MALRD1: variants seen among roughly 807,000 people sequenced by gnomAD.
MALRD1 encodes MAM and LDL receptor class A domain containing 1, also known as MAM and LDL-receptor class A domain-containing protein 1.
Under a neutral mutation model 242.1 loss-of-function variants are expected in MALRD1, and 247 were observed. The observed-to-expected ratio is 1.02, with a 90% confidence interval of 0.92 to 1.13. MALRD1 has a LOEUF of 1.13. Ranked by LOEUF, MALRD1 falls within the 50% of genes most tolerant of loss-of-function variation. The pLI is 0.00. For missense variants in MALRD1, 2,989 were observed against 2,533.1 expected (o/e 1.18, Z -3.86); for synonymous variants, 995 against 866.6 (o/e 1.15, Z -2.60).
intron 14 of MALRD1, among the ~76,000 whole-genome samples, chr10:19,190,807 A>G (rs1835938359): frequency 6.6e-6 from 1 of 152,202 alleles, no homozygotes; most frequent in Non-Finnish European, 1.5e-5. Context: ...AAAGTAACTC[A>G]AAATCAATCC....
chr10:19,392,740 A>G (rs562770042), intron 28 of MALRD1, among the ~76,000 whole-genome samples: 1 of 152,270 alleles, frequency 6.6e-6, no homozygotes, highest in East Asian at 1.9e-4. Flanking sequence ...TAATTTTTTC[A>G]TTTTCTTGAA....
intron 38 of MALRD1, among the ~76,000 whole-genome samples, chr10:19,704,075 C>A (rs1006304810): frequency 6.6e-6 from 1 of 152,164 alleles, no homozygotes; most frequent in Non-Finnish European, 1.5e-5. Flanking sequence ...GGCATATCCT[C>A]TTGAAGCATT....
intron 18 of MALRD1, among the ~76,000 whole-genome samples, chr10:19,249,686 A>G (rs891299329): frequency 6.6e-6 from 1 of 152,000 alleles, no homozygotes; most frequent in African/African-American, 2.4e-5. Context: ...AAGTTTGTAA[A>G]AATAAAAAGA....
chr10:19,055,364 G>T lies in MALRD1; in HGVS notation c.199+6227G>T, dbSNP rs534169079. ...ATTCTGTGGATTTTGTCTTTACTTTGTTAATTGTCATCTTTGCTGTGCAGA... is the reference window on the plus strand; with the variant it reads ...ATTCTGTGGATTTTGTCTTTACTTTTTTAATTGTCATCTTTGCTGTGCAGA... On this transcript the variant is annotated intron_variant, in intron 1 of 39. Transcript: ENST00000454679. 2.0e-5 allele frequency among the ~76,000 whole-genome samples: 3 copies of T among 152,134 alleles called. No homozygotes were observed. The East Asian group carries it at 5.8e-4, about 29-fold the overall frequency.
chr10:19,228,590 AT>A (rs1219445854), intron 18 of MALRD1, among the ~76,000 whole-genome samples: 3 of 152,182 alleles, frequency 2.0e-5, no homozygotes, highest in Non-Finnish European at 4.4e-5. Flanking sequence ...ATCTGTGAAC[AT>A]TAGTTGCAGA....
intron 33 of MALRD1, among the ~76,000 whole-genome samples, chr10:19,572,390 C>T (rs1357917531): frequency 2.6e-5 from 4 of 152,162 alleles, no homozygotes; most frequent in Non-Finnish European, 5.9e-5. Context: ...ACTGTTAGGA[C>T]ATTGATACTT....
intron 36 of MALRD1, among the ~76,000 whole-genome samples, chr10:19,638,657 G>A (rs1028160854): frequency 6.6e-6 from 1 of 152,186 alleles, no homozygotes; most frequent in Non-Finnish European, 1.5e-5. Context: ...AGCTACTTCA[G>A]GAATGTGAGT....
intron 29 of MALRD1, among the ~76,000 whole-genome samples, chr10:19,472,964 A>G (rs1156632000): frequency 6.6e-6 from 1 of 151,030 alleles, no homozygotes. Flanking sequence ...TCCTTCGCAT[A>G]TATTTTTTAA....
intron 31 of MALRD1, among the ~76,000 whole-genome samples, chr10:19,504,664 A>ATTTTTTTTTTTTTTTT (rs759213931): frequency 3.1e-5 from 3 of 97,588 alleles, no homozygotes; most frequent in African/African-American, 1.4e-4. Flanking sequence ...ATTGTAACAC[A>ATTTTTTTTTTTTTTTT]TTTTTTTTTT....
intron 38 of MALRD1, among the ~76,000 whole-genome samples, chr10:19,720,713 T>A (rs555057166): frequency 3.3e-5 from 5 of 152,332 alleles, no homozygotes; most frequent in South Asian, 2.1e-4. Context: ...CTATTTTTTT[T>A]ATAAAATGCT....
At chr10:19,707,316 T>C (rs561645379) in intron 38 of MALRD1, among the ~76,000 whole-genome samples, 1 of 152,252 alleles carries the variant, frequency 6.6e-6, no homozygotes, top group South Asian at 2.1e-4. Context: ...CACTTATGAT[T>C]TCACTTTATT....
intron 24 of MALRD1, among the ~76,000 whole-genome samples, chr10:19,334,758 G>T (rs1019679140): frequency 6.6e-6 from 1 of 151,840 alleles, no homozygotes; most frequent in African/African-American, 2.4e-5. Context: ...AGTTATTTTT[G>T]TATCAAGTGC....
At chr10:19,625,220 G>A (rs933017971) in intron 36 of MALRD1, among the ~76,000 whole-genome samples, 1 of 152,026 alleles carries the variant, frequency 6.6e-6, no homozygotes, top group Non-Finnish European at 1.5e-5. Context: ...CTGACTAGAC[G>A]GCTTATGATT....
intron 1 of MALRD1, among the ~76,000 whole-genome samples, chr10:19,062,767 A>T (rs910122458): frequency 6.6e-6 from 1 of 152,156 alleles, no homozygotes; most frequent in Admixed American, 6.6e-5. Context: ...ATGGGTACAA[A>T]TTTCAGTTTT....
intron 36 of MALRD1, among the ~76,000 whole-genome samples, chr10:19,628,447 A>T (rs567672668): frequency 1.3e-5 from 2 of 152,302 alleles, no homozygotes; most frequent in East Asian, 3.9e-4. Flanking sequence ...CTTTTTTAAA[A>T]TAGAAGATAT....
At chr10:19,331,626 C>T (rs898819642) in intron 24 of MALRD1, 44 bp downstream of exon 24, 72 of 1,432,316 alleles carry the variant, frequency 5.0e-5, no homozygotes, top group Non-Finnish European at 6.5e-5. Flanking sequence ...CTTCAACTCC[C>T]ACAGCCTTAC....
At chr10:19,709,935 G>T (rs1014804165) in intron 38 of MALRD1, among the ~76,000 whole-genome samples, 4 of 152,120 alleles carry the variant, frequency 2.6e-5, no homozygotes, top group Non-Finnish European at 5.9e-5. Context: ...TGTGCGTCTT[G>T]CATCTTCCCT....
intron 32 of MALRD1, among the ~76,000 whole-genome samples, chr10:19,547,804 ATATATATATATATATTTTT>A (rs1835286422): frequency 1.5e-4 from 2 of 13,308 alleles, no homozygotes; most frequent in Non-Finnish European, 3.3e-4. Context: ...ATATATATAT[ATATATATATATATATTTTT>A]TTTTTTTTTT....
intron 24 of MALRD1, among the ~76,000 whole-genome samples, chr10:19,338,950 C>G (rs1427138388): frequency 6.9e-6 from 1 of 144,868 alleles, no homozygotes; most frequent in African/African-American, 2.7e-5. Flanking sequence ...TATACATATA[C>G]TAGTTATATA....
Sources: gnomAD v4.1 joint callset for allele counts (sites outside exome capture counted in the v4.1 genomes callset) on GRCh38, gnomAD v4.1.1 for gene constraint, MANE v1.5 for transcripts, NCBI Gene and HGNC (gene_info 2026-07-23, HGNC 2026-07-21) for gene names.